Variants in HMMR observed in about 807,000 individuals in gnomAD.
HMMR encodes the protein intracellular hyaluronic acid-binding protein.
Under a neutral mutation model 101.0 loss-of-function variants are expected in HMMR, and 108 were observed. That is an observed-to-expected ratio of 1.07 (90% CI 0.92 to 1.25). The LOEUF (loss-of-function observed/expected upper bound fraction) is 1.25. Ranked by LOEUF, HMMR falls within the 50% of genes most tolerant of loss-of-function variation. HMMR has a pLI of 0.00. For missense variants in HMMR, 813 were observed against 788.7 expected, an observed-to-expected ratio of 1.03 and a Z score of -0.37; for synonymous variants, 296 against 276.4, an observed-to-expected ratio of 1.07 and a Z score of -0.70.
At chr5:163,464,522 G>T (rs1368682371) in intron 2 of HMMR, among the ~76,000 whole-genome samples, 1 of 152,200 alleles carries the variant, frequency 6.6e-6, no homozygotes, top group Non-Finnish European at 1.5e-5. Context: ...AGGAAAGTGG[G>T]AGAGTTGCTT....
rs906305499 is a variant in HMMR at position 163,491,253 on chromosome 5, G to T, written c.*89G>T. 5.6e-6 allele frequency: 4 copies of T among 714,116 alleles called. No individual in the cohort carries two copies. The highest frequency in any genetic ancestry group is 9.3e-6 in the Non-Finnish European group (4 of 431,298). 44.2% of individuals were successfully genotyped at this position (714,116 alleles called of 1,614,324 possible). ...ATATTTGACATGGGTATTTTATAAT[G>T]TTGTATTTAATTTTAACTGCCAATC... On this transcript the variant is annotated 3_prime_UTR_variant, in exon 18 of 18. Transcript: ENST00000393915.
intron 7 of HMMR, 62 bp from the exon 8 acceptor site, chr5:163,473,117 A>G (rs929309837): frequency 6.0e-6 from 5 of 830,766 alleles, no homozygotes; most frequent in Non-Finnish European, 1.0e-5. Context: ...GTACATAAGC[A>G]TTATGTAAGA....
chr5:163,461,227 A>C (rs1255434964), intron 1 of HMMR, among the ~76,000 whole-genome samples: 1 of 152,216 alleles, frequency 6.6e-6, no homozygotes. Context: ...ATAAACAATG[A>C]AGTTATGGCT....
intron 12 of HMMR, among the ~76,000 whole-genome samples, chr5:163,479,420 C>T (rs571097859): frequency 6.6e-6 from 1 of 152,208 alleles, no homozygotes; most frequent in South Asian, 2.1e-4. Flanking sequence ...CCAGTAATCC[C>T]AGTGCTTTGG....
chr5:163,473,589 G>A, intron 9 of HMMR, 32 bp downstream of exon 9: 1 of 1,386,590 alleles, frequency 7.2e-7, no homozygotes, highest in Non-Finnish European at 9.9e-7. Flanking sequence ...ACTTTGTTTA[G>A]ATAAGTGTTA....
At chr5:163,474,391 G>A (rs147062489) in intron 10 of HMMR, 186 bp downstream of exon 10, 3 of 570,124 alleles carry the variant, frequency 5.3e-6, no homozygotes, top group African/African-American at 1.9e-5. Flanking sequence ...GTTCACCCTA[G>A]GGTTATGAAT....
At chr5:163,462,191 G>A (rs959457732) in intron 1 of HMMR, among the ~76,000 whole-genome samples, 1 of 151,530 alleles carries the variant, frequency 6.6e-6, no homozygotes, top group Admixed American at 6.6e-5. Context: ...TGGTTTTTTT[G>A]TTGTTTGCAT....
intron 8 of HMMR, 54 bp from the exon 9 acceptor site, chr5:163,473,325 A>T: frequency 6.6e-7 from 1 of 1,526,360 alleles, no homozygotes; most frequent in Admixed American, 1.8e-5. Flanking sequence ...TTTTTCTGTT[A>T]TTTTCCCTGT....
At chr5:163,464,843 C>T in intron 3 of HMMR, 41 bp downstream of exon 3, 1 of 1,152,994 alleles carries the variant, frequency 8.7e-7, no homozygotes. Flanking sequence ...TCAAGTGTAT[C>T]ATCAAAAACA....
At chr5:163,465,320 C>T (rs889266906) in intron 3 of HMMR, 1 of 152,002 alleles carries the variant, frequency 6.6e-6, no homozygotes, top group African/African-American at 2.4e-5. Context: ...CTGCATAGTA[C>T]TTTTTAAATT....
chr5:163,472,600 G>T (rs1210386415), intron 7 of HMMR, among the ~76,000 whole-genome samples: 1 of 152,150 alleles, frequency 6.6e-6, no homozygotes, highest in African/African-American at 2.4e-5. Context: ...AACATTTAAT[G>T]TTGTCAGTCT....
At chr5:163,481,854 T>TA (rs1759277778) in intron 12 of HMMR, among the ~76,000 whole-genome samples, 1 of 152,226 alleles carries the variant, frequency 6.6e-6, no homozygotes, top group Admixed American at 6.5e-5. Flanking sequence ...TCCCCTGCCC[T>TA]AATCCATCTT....
chr5:163,485,370 A>C (rs909959488), intron 16 of HMMR, among the ~76,000 whole-genome samples: 1 of 152,102 alleles, frequency 6.6e-6, no homozygotes, highest in Non-Finnish European at 1.5e-5. Context: ...TATCCTAGCC[A>C]TTGTAGTGGG....
rs1049961119 is a variant in HMMR, at chr5:163,491,357, A to G, written c.*193A>G. The G allele has an allele frequency of 4.2e-6, 2 of 472,890 alleles. No individual in the cohort carries two copies. Among genetic ancestry groups the G allele is most frequent in the Non-Finnish European group, 7.4e-6 (2 of 269,974 alleles). 29.3% of individuals were successfully genotyped at this position (472,890 alleles called of 1,614,324 possible). On this transcript the variant is annotated 3_prime_UTR_variant, in exon 18 of 18. Transcript: ENST00000393915. ...TTTTCTTGCAAATACCTCCTCCCTA[A>G]TGCTCACCTTTATCACCTCATTCTG...
At chr5:163,474,578 T>A in intron 10 of HMMR, 1 of 456,094 alleles carries the variant, frequency 2.2e-6, no homozygotes, top group Non-Finnish European at 4.4e-6. Context: ...ACATTTTACA[T>A]ATCAGTGAGA....
intron 12 of HMMR, among the ~76,000 whole-genome samples, chr5:163,479,504 C>T (rs1238766345): frequency 1.3e-5 from 2 of 151,780 alleles, no homozygotes; most frequent in Admixed American, 6.6e-5. Context: ...GACCTTGTTT[C>T]TACAAAAAAA....
chr5:163,479,565 G>T (rs774454307), intron 12 of HMMR, among the ~76,000 whole-genome samples: 29 of 152,102 alleles, frequency 1.9e-4, no homozygotes, highest in Non-Finnish European at 3.8e-4. Flanking sequence ...GGGAGGCTGA[G>T]GGCAGGAGGA....
intron 17 of HMMR, 137 bp downstream of exon 17, chr5:163,490,689 G>A (rs1759663615): frequency 1.5e-6 from 1 of 677,480 alleles, no homozygotes; most frequent in South Asian, 1.8e-5. Context: ...TGAGATTGTT[G>A]TGTACAATGA....
At chr5:163,484,835 T>C (rs750820754) in intron 16 of HMMR, among the ~76,000 whole-genome samples, 5 of 152,188 alleles carry the variant, frequency 3.3e-5, no homozygotes, top group Non-Finnish European at 7.3e-5. Flanking sequence ...ATTTCCCTAT[T>C]GTGGACCTGG....
Sources: allele counts gnomAD v4.1 joint callset (sites outside exome capture counted in the v4.1 genomes callset), GRCh38; gene constraint gnomAD v4.1.1; transcripts MANE v1.5; gene names NCBI Gene and HGNC (gene_info 2026-07-23, HGNC 2026-07-21).